The following TENM3 variants were observed in gnomAD, a reference collection of about 807,000 sequenced individuals.
TENM3 encodes the protein teneurin transmembrane protein 3, also known as teneurin-3.
In TENM3, 63 loss-of-function variants were observed where a neutral mutation model predicts 255.1. The ratio of observed to expected loss-of-function variants is 0.25; its 90% CI spans 0.20 to 0.30. The LOEUF (loss-of-function observed/expected upper bound fraction) is 0.30. Among genes scored for constraint, TENM3 ranks in the 10% least tolerant of loss-of-function variants. The pLI is 1.00. For synonymous variants in TENM3, 1,306 were observed against 1,322.3 expected, an observed-to-expected ratio of 0.99 and a Z score of 0.27; for missense variants, 2,929 against 3,461.1, an observed-to-expected ratio of 0.85 and a Z score of 3.86.
intron 1 of TENM3, among the ~76,000 whole-genome samples, chr4:182,277,629 C>A (rs903778559): frequency 1.3e-5 from 2 of 152,138 alleles, no homozygotes; most frequent in African/African-American, 2.4e-5. Flanking sequence ...CTCCTGGGAA[C>A]AAGTGAATTA....
chr4:182,235,009 A>G (rs1300426834), intron 1 of TENM3, among the ~76,000 whole-genome samples: 2 of 152,132 alleles, frequency 1.3e-5, no homozygotes, highest in Admixed American at 6.5e-5. Flanking sequence ...ACTGTCATCA[A>G]AGCTGAGTCA....
the TENM3 span, among the ~76,000 whole-genome samples, chr4:181,578,895 C>A: frequency 6.6e-6 from 1 of 152,116 alleles, no homozygotes; most frequent in African/African-American, 2.4e-5. Context: ...GTACTAGGGG[C>A]TAGAATTTCA....
At chr4:181,786,345 A>G in the TENM3 span, among the ~76,000 whole-genome samples, 2 of 152,216 alleles carry the variant, frequency 1.3e-5, no homozygotes, top group Non-Finnish European at 2.9e-5. Flanking sequence ...CACAAAATGT[A>G]TTCATGCACA....
chr4:182,800,144 G>A lies in TENM3; in HGVS notation c.7893G>A (p.Arg2631=). The change falls in exon 28 of 28, where the codon CGG becomes CGA. Residue 2631 remains arginine (R), a synonymous_variant. Coordinates refer to ENST00000511685, the MANE Select transcript of TENM3 (RefSeq NM_001080477.4). The part of the protein sequence containing the change: ...LEQARQRALA[R]AWAREQQRVR... ...AGGCGCGGCAGCGCGCGCTCGCCCG[G>A]GCCTGGGCGCGCGAGCAGCAGCGCG... 6.9e-7 allele frequency: 1 copy of A among 1,454,398 alleles called. No individual in the cohort carries two copies. Among genetic ancestry groups the A allele is most frequent in the South Asian group, 1.4e-5 (1 of 71,182 alleles). 90.1% of individuals were successfully genotyped at this position (1,454,398 alleles called of 1,614,324 possible).
chr4:181,746,190 G>A, the TENM3 span, among the ~76,000 whole-genome samples: 1 of 152,082 alleles, frequency 6.6e-6, no homozygotes, highest in African/African-American at 2.4e-5. Flanking sequence ...ACAATGGGCT[G>A]CTAAACATTG....
the TENM3 span, among the ~76,000 whole-genome samples, chr4:181,977,562 A>C: frequency 2.0e-5 from 3 of 152,270 alleles, 1 homozygote; most frequent in East Asian, 5.8e-4. Context: ...CTAAATAAGA[A>C]ATGAAGTTTT....
At chr4:182,277,834 G>A (rs1760106027) in intron 1 of TENM3, among the ~76,000 whole-genome samples, 2 of 152,286 alleles carry the variant, frequency 1.3e-5, no homozygotes, top group South Asian at 4.1e-4. Context: ...CTAAGCACCT[G>A]AGGAAATTTT....
the TENM3 span, among the ~76,000 whole-genome samples, chr4:181,536,274 G>T: frequency 7.2e-5 from 11 of 152,252 alleles, no homozygotes; most frequent in Middle Eastern, 0.01. Context: ...TTCACTTTGT[G>T]TTCCCGCATG....
intron 22 of TENM3, among the ~76,000 whole-genome samples, chr4:182,768,012 A>G (rs187100428): frequency 6.6e-6 from 1 of 152,312 alleles, no homozygotes; most frequent in Non-Finnish European, 1.5e-5. Context: ...TGCCGCCAGT[A>G]TATACGTAAC....
chr4:182,775,607 G>A (rs752583444), intron 24 of TENM3, among the ~76,000 whole-genome samples: 15 of 152,266 alleles, frequency 9.9e-5, no homozygotes, highest in South Asian at 4.2e-4. Context: ...CACTGCAAAC[G>A]CAAGGCTAGT....
the TENM3 span, among the ~76,000 whole-genome samples, chr4:181,633,836 A>G: frequency 6.6e-6 from 1 of 152,218 alleles, no homozygotes; most frequent in Non-Finnish European, 1.5e-5. Context: ...CACAACCAGG[A>G]CACTAAATAG....
At chr4:181,670,225 C>G in the TENM3 span, among the ~76,000 whole-genome samples, 4 of 152,098 alleles carry the variant, frequency 2.6e-5, no homozygotes, top group Admixed American at 1.3e-4. Context: ...TTAATGGAAA[C>G]TGCATAGTGC....
At chr4:181,520,441 A>G in the TENM3 span, among the ~76,000 whole-genome samples, 2 of 152,274 alleles carry the variant, frequency 1.3e-5, no homozygotes, top group South Asian at 4.1e-4. Flanking sequence ...GTGTGCGTGC[A>G]TGTGTACATA....
In TENM3 at chr4:182,789,050, G is replaced by A. The variant is rs1366685106; in HGVS notation, c.5305-43G>A. 7 of 1,522,748 alleles carry A rather than the reference G, an allele frequency of 4.6e-6. No individual in the cohort carries two copies. Among genetic ancestry groups the A allele is most frequent in the Non-Finnish European group, 5.3e-6 (6 of 1,122,942 alleles). 94.3% of individuals were successfully genotyped at this position (1,522,748 alleles called of 1,614,324 possible). The stretch of plus-strand genomic sequence containing the variant: ...AACAATACTGGGGACTCCGGTGTTG[G>A]AATAACATGATTTATTTTATCATCT... On this transcript the variant is annotated intron_variant, in intron 24 of 27. Coordinates refer to ENST00000511685, the MANE Select transcript of TENM3 (RefSeq NM_001080477.4). This position sits in a 1 kb window ranked among gnomAD's most constrained non-coding sequence, Gnocchi z 4.4.
At chr4:181,705,433 A>G in the TENM3 span, among the ~76,000 whole-genome samples, 1 of 152,224 alleles carries the variant, frequency 6.6e-6, no homozygotes, top group Non-Finnish European at 1.5e-5. Flanking sequence ...TCTGTATAGC[A>G]GGACAAAGTA....
At chr4:182,511,485 A>T (rs1737391131) in intron 3 of TENM3, among the ~76,000 whole-genome samples, 6 of 152,156 alleles carry the variant, frequency 3.9e-5, no homozygotes. Context: ...AACTGGCTGG[A>T]TTTGTCTGCT....
upstream of TENM3, among the ~76,000 whole-genome samples, chr4:182,139,841 A>G (rs746318974): frequency 3.3e-5 from 5 of 152,238 alleles, no homozygotes; most frequent in Non-Finnish European, 7.3e-5. Context: ...CCCGGTTTAC[A>G]CCATGGAATA....
At chr4:182,144,207 C>G (rs1749703906), upstream of TENM3, 2 of 11,454 alleles carry the variant, frequency 1.7e-4, no homozygotes, top group African/African-American at 1.6e-3. Context: ...CTCCCGCACA[C>G]ACACACACAC....
the TENM3 span, among the ~76,000 whole-genome samples, chr4:181,920,851 G>A: frequency 6.6e-6 from 1 of 152,214 alleles, no homozygotes; most frequent in Non-Finnish European, 1.5e-5. Flanking sequence ...TTCTTCTAGG[G>A]TTTTTACGGT....
Sources: allele counts gnomAD v4.1 joint callset (sites outside exome capture counted in the v4.1 genomes callset), GRCh38; gene constraint gnomAD v4.1.1; non-coding constraint Gnocchi (gnomAD v3.1); transcripts MANE v1.5; gene names NCBI Gene and HGNC (gene_info 2026-07-23, HGNC 2026-07-21).